Variants in SVIL observed in about 807,000 individuals in gnomAD.
SVIL encodes the protein archvillin.
SVIL carries 101 observed loss-of-function variants against 240.4 expected under a neutral mutation model. The observed-to-expected ratio is 0.42, with a 90% CI of 0.36 to 0.50. The LOEUF (loss-of-function observed/expected upper bound fraction) is 0.50, where lower values mean the gene tolerates loss of function less well. Among genes scored for constraint, SVIL ranks in the 20% least tolerant of loss-of-function variants. The probability of loss-of-function intolerance (pLI) is 0.01; values close to 1 mark genes in which losing one functional copy is unlikely to be tolerated. For missense variants in SVIL, 2,512 were observed against 2,818.7 expected (o/e 0.89, Z 2.46); for synonymous variants, 999 against 1,100.0 (o/e 0.91, Z 1.82).
chr10:29,547,700 T>C (rs1952818627), intron 6 of SVIL, among the ~76,000 whole-genome samples: 1 of 152,248 alleles, frequency 6.6e-6, no homozygotes, highest in South Asian at 2.1e-4. Context: ...TCTTAATTAC[T>C]ATTATAACTG....
chr10:29,693,981 A>G (rs1394336692), intron 1 of SVIL, among the ~76,000 whole-genome samples: 1 of 152,146 alleles, frequency 6.6e-6, no homozygotes. Context: ...AGATAGATAC[A>G]TAGATAAAAT....
intron 18 of SVIL, among the ~76,000 whole-genome samples, chr10:29,498,864 C>T (rs1468747122): frequency 6.6e-6 from 1 of 152,106 alleles, no homozygotes; most frequent in Non-Finnish European, 1.5e-5. Flanking sequence ...ACCTATAATC[C>T]CAGCTACTAG....
intron 3 of SVIL, among the ~76,000 whole-genome samples, chr10:29,558,924 C>A (rs1954190844): frequency 7.9e-6 from 1 of 126,428 alleles, no homozygotes; most frequent in East Asian, 2.2e-4. Context: ...TGTGATTCTG[C>A]CTCGAAATAT....
At chr10:29,619,229 A>G (rs1260578365) in intron 1 of SVIL, among the ~76,000 whole-genome samples, 1 of 152,218 alleles carries the variant, frequency 6.6e-6, no homozygotes, top group African/African-American at 2.4e-5. Flanking sequence ...TGAAGAATAC[A>G]CGTTTTAGGA....
intron 1 of SVIL, among the ~76,000 whole-genome samples, chr10:29,693,004 C>G (rs1248794490): frequency 1.3e-5 from 2 of 152,138 alleles, no homozygotes; most frequent in East Asian, 3.9e-4. Flanking sequence ...TTATATCCCA[C>G]CCCTCAAGGT....
intron 16 of SVIL, among the ~76,000 whole-genome samples, chr10:29,516,974 T>G (rs1188798821): frequency 2.6e-5 from 4 of 152,230 alleles, no homozygotes; most frequent in African/African-American, 9.6e-5. Context: ...CCCTTCATTT[T>G]AGAGAATTAC....
At chr10:29,653,644 T>G in intron 3 of SVIL, among the ~76,000 whole-genome samples, 1 of 152,188 alleles carries the variant, frequency 6.6e-6, no homozygotes, top group East Asian at 1.9e-4. Flanking sequence ...GGCCATTAAA[T>G]TTGTATCTAT....
At chr10:29,602,205 G>A in intron 1 of SVIL, 1 of 520,928 alleles carries the variant, frequency 1.9e-6, no homozygotes, top group Non-Finnish European at 3.9e-6. Flanking sequence ...ATTTTGCAAT[G>A]ACTTAGGAGA....
chr10:29,589,201 G>A (rs1382817771), intron 1 of SVIL, among the ~76,000 whole-genome samples: 1 of 152,232 alleles, frequency 6.6e-6, no homozygotes, highest in Non-Finnish European at 1.5e-5. Context: ...GTGGAAAGCA[G>A]CGTTGGGAAA....
At chr10:29,521,372 C>T (rs894243276) in intron 16 of SVIL, among the ~76,000 whole-genome samples, 2 of 151,994 alleles carry the variant, frequency 1.3e-5, no homozygotes, top group Admixed American at 1.3e-4. Context: ...GTGGGAGGTG[C>T]TGAGGAAGGG....
At chr10:29,689,707 T>C (rs1238084001) in intron 1 of SVIL, among the ~76,000 whole-genome samples, 3 of 152,224 alleles carry the variant, frequency 2.0e-5, no homozygotes, top group African/African-American at 7.2e-5. Flanking sequence ...AAGCACACCT[T>C]CAAAATACTA....
At position 29,523,606 on chromosome 10, in the gene SVIL, C is replaced by T. The variant is rs189471887; in HGVS notation, c.3008G>A (p.Arg1003Gln). ...GAGGTGGGTGATGGGAGGGTTCGCC[C>T]GTTCCAGGCTTCCTCTTCTGGGAAC... ...YAVPRRGSLE[R>Q]ANPPITHLGD... is the part of the protein sequence containing the mutation. The change falls in exon 15 of 38, where the codon CGG becomes CAG. Residue 1003 changes from arginine (R) to glutamine (Q), a missense_variant. Arg to Gln is a conservative substitution (Grantham distance 43, BLOSUM62 1). Transcript: ENST00000355867. 116 of 1,614,156 alleles carry T rather than the reference C, an allele frequency of 7.2e-5. 1 individual carries two copies. In the East Asian group the frequency reaches 7.4e-4, roughly 10 times the overall value.
chr10:29,651,378 C>T (rs1028940403), intron 3 of SVIL, among the ~76,000 whole-genome samples: 25 of 152,186 alleles, frequency 1.6e-4, no homozygotes, highest in African/African-American at 4.8e-4. Context: ...TCAAACCATT[C>T]GGATCTGGAG....
At chr10:29,545,619 C>T (rs576530419) in intron 6 of SVIL, among the ~76,000 whole-genome samples, 293 of 151,934 alleles carry the variant, frequency 1.9e-3, no homozygotes, top group African/African-American at 6.8e-3. Flanking sequence ...CATTTTAGGA[C>T]GCCGAGGTGG....
At chr10:29,724,629 G>A (rs2132702891) in intron 1 of SVIL, among the ~76,000 whole-genome samples, 1 of 152,196 alleles carries the variant, frequency 6.6e-6, no homozygotes, top group South Asian at 2.1e-4. Flanking sequence ...GGAAGTGGAT[G>A]GACATCATCT....
chr10:29,599,572 C>G (rs766931195), intron 1 of SVIL, among the ~76,000 whole-genome samples: 2 of 152,098 alleles, frequency 1.3e-5, no homozygotes, highest in Non-Finnish European at 2.9e-5. Flanking sequence ...TGTGCCACCA[C>G]AGCCAGCTAA....
At chr10:29,579,311 G>A (rs1471755390) in intron 1 of SVIL, among the ~76,000 whole-genome samples, 12 of 152,198 alleles carry the variant, frequency 7.9e-5, no homozygotes, top group African/African-American at 2.4e-4. Flanking sequence ...GGTGGCGGGC[G>A]CCTGTAGTCC....
chr10:29,548,187 A>G (rs10437410), intron 6 of SVIL, among the ~76,000 whole-genome samples: 63,513 of 151,992 alleles, frequency 0.42, 13,344 homozygotes, highest in African/African-American at 0.43. Context: ...TCAGTACCAC[A>G]AGGGTCTGCT....
chr10:29,708,598 G>T (rs1340319456), intron 1 of SVIL, among the ~76,000 whole-genome samples: 1 of 152,102 alleles, frequency 6.6e-6, no homozygotes, highest in Non-Finnish European at 1.5e-5. Context: ...TCCAGCCTGG[G>T]CAACTCCGTC....
Sources: allele counts gnomAD v4.1 joint callset (sites outside exome capture counted in the v4.1 genomes callset), GRCh38; gene constraint gnomAD v4.1.1; transcripts MANE v1.5; gene names NCBI Gene and HGNC (gene_info 2026-07-23, HGNC 2026-07-21).